The following HIVEP2 variants were observed in gnomAD, a reference collection of about 807,000 sequenced individuals.
HIVEP2 encodes HIVEP zinc finger 2, also known as transcription factor HIVEP2.
In HIVEP2, 14 loss-of-function variants were observed where a neutral mutation model predicts 180.7. The ratio of observed to expected loss-of-function variants is 0.08; its 90% CI spans 0.05 to 0.12. The LOEUF (loss-of-function observed/expected upper bound fraction) is 0.12. Ranked by LOEUF, HIVEP2 falls within the 10% of genes least tolerant of loss-of-function variation. The pLI is 1.00. For synonymous variants in HIVEP2, 1,184 were observed against 1,136.4 expected, an observed-to-expected ratio of 1.04 and a Z score of -0.84; for missense variants, 2,579 against 3,008.5, an observed-to-expected ratio of 0.86 and a Z score of 3.34.
rs1417824084 is a variant in HIVEP2 at position 142,760,562 on chromosome 6, T to C, written c.5726A>G (p.Asp1909Gly). 6.2e-7 allele frequency: 1 copy of C among 1,613,432 alleles called. No homozygotes were observed. Among genetic ancestry groups the C allele is most frequent in the Non-Finnish European group, 8.5e-7 (1 of 1,179,506 alleles). The stretch of plus-strand genomic sequence containing the variant: ...ATCTTCATCATCATCATCATTATCA[T>C]CTCCATCCTCACCATCTGATTCCTC... ...DAEESDGEDGDDNDDDDEDED... is the reference protein window; with the variant it reads ...DAEESDGEDGGDNDDDDEDED... The change falls in exon 9 of 10, where the codon GAT (aspartate) becomes GGT (glycine). Residue 1909 changes from aspartate (D) to glycine (G), a missense_variant. Physicochemically the swap from Asp to Gly is moderately conservative, Grantham distance 94. Around this residue, in one of 11 missense-constraint regions of HIVEP2, gnomAD observed 660 missense variants for 731.7 expected, o/e 0.90. Coordinates refer to ENST00000367603, the MANE Select transcript of HIVEP2 (RefSeq NM_006734.4).
At chr6:142,922,990 T>C (rs913427271) in intron 1 of HIVEP2, among the ~76,000 whole-genome samples, 1 of 152,158 alleles carries the variant, frequency 6.6e-6, no homozygotes, top group East Asian at 1.9e-4. Context: ...TATCAATAAA[T>C]CAGTAATTAG....
intron 1 of HIVEP2, among the ~76,000 whole-genome samples, chr6:142,885,784 C>T (rs1368873953): frequency 1.3e-5 from 2 of 152,158 alleles, no homozygotes. Context: ...CAATAACAAG[C>T]TGTTTAGTAA....
At chr6:142,792,014 T>G (rs888026557) in intron 2 of HIVEP2, among the ~76,000 whole-genome samples, 2 of 152,148 alleles carry the variant, frequency 1.3e-5, no homozygotes, top group Non-Finnish European at 2.9e-5. Flanking sequence ...AGAGATGCAT[T>G]TAATGTGAGG....
intron 1 of HIVEP2, among the ~76,000 whole-genome samples, chr6:142,872,440 A>C (rs1003056802): frequency 6.6e-6 from 1 of 152,226 alleles, no homozygotes; most frequent in African/African-American, 2.4e-5. Flanking sequence ...ATGGACCGTG[A>C]TTTCATAAAA....
intron 6 of HIVEP2, among the ~76,000 whole-genome samples, chr6:142,766,690 T>C (rs1775387008): frequency 6.6e-6 from 1 of 152,196 alleles, no homozygotes; most frequent in South Asian, 2.1e-4. Context: ...AATATAATGA[T>C]GTATTAGAGA....
At position 142,833,763 on chromosome 6, in the gene HIVEP2, C is replaced by A. The variant is rs546190845; in HGVS notation, c.-528+3172G>T. ...AGCTAACAGTACTGGGCTCCACTCACCTAAGCTAGAATAGCAAAACAAAGG... is the reference window on the plus strand; with the variant it reads ...AGCTAACAGTACTGGGCTCCACTCAACTAAGCTAGAATAGCAAAACAAAGG... On this transcript the variant is annotated intron_variant, in intron 2 of 9. Coordinates refer to ENST00000367603, the MANE Select transcript of HIVEP2 (RefSeq NM_006734.4). Among the ~76,000 whole-genome samples the A allele has an allele frequency of 2.0e-5, 3 of 152,162 alleles. 1 individual carries two copies. The highest frequency in any genetic ancestry group is 7.2e-5 in the African/African-American group (3 of 41,436).
At chr6:142,885,291 T>C (rs1182313409) in intron 1 of HIVEP2, among the ~76,000 whole-genome samples, 1 of 152,106 alleles carries the variant, frequency 6.6e-6, no homozygotes, top group Non-Finnish European at 1.5e-5. Flanking sequence ...GAATTGCTGC[T>C]GTTCACAAAA....
At chr6:142,775,924 A>G (rs767620910) in intron 4 of HIVEP2, among the ~76,000 whole-genome samples, 5 of 151,338 alleles carry the variant, frequency 3.3e-5, no homozygotes, top group Non-Finnish European at 7.4e-5. Context: ...TACATGTTTT[A>G]TAAAATACAT....
At chr6:142,827,626 C>T (rs940959524) in intron 2 of HIVEP2, among the ~76,000 whole-genome samples, 1 of 152,166 alleles carries the variant, frequency 6.6e-6, no homozygotes, top group Non-Finnish European at 1.5e-5. Flanking sequence ...TGACCCTAAG[C>T]CAAGGGTGTG....
chr6:142,845,559 T>C (rs1775489557), intron 1 of HIVEP2, among the ~76,000 whole-genome samples: 1 of 152,228 alleles, frequency 6.6e-6, no homozygotes, highest in Non-Finnish European at 1.5e-5. Context: ...ACATGGATAT[T>C]ACCAGAAGTT....
Position 142,752,251 on chromosome 6 carries a change from A to G in HIVEP2, c.*856T>C, listed in dbSNP as rs1261915655. Reference sequence around the variant, plus strand: ...TTTTTAGATGAGTATATAGATCAACATGTTCACATAAGACCAAATACTTTT... The same window carrying G: ...TTTTTAGATGAGTATATAGATCAACGTGTTCACATAAGACCAAATACTTTT... On this transcript the variant is annotated 3_prime_UTR_variant, in exon 10 of 10. Transcript: ENST00000367603. The G allele has an allele frequency of 1.3e-5, 2 of 152,692 alleles. No individual in the cohort carries two copies. Among genetic ancestry groups the G allele is most frequent in the Non-Finnish European group, 2.9e-5 (2 of 68,048 alleles). 9.5% of individuals were successfully genotyped at this position (152,692 alleles called of 1,614,324 possible).
intron 2 of HIVEP2, among the ~76,000 whole-genome samples, chr6:142,804,995 C>T (rs1018259351): frequency 6.6e-6 from 1 of 152,116 alleles, no homozygotes; most frequent in African/African-American, 2.4e-5. Context: ...AATAAACAAA[C>T]AAACAACAAA....
chr6:142,928,979 T>A (rs1777880657), intron 1 of HIVEP2, among the ~76,000 whole-genome samples: 1 of 152,228 alleles, frequency 6.6e-6, no homozygotes, highest in African/African-American at 2.4e-5. Flanking sequence ...GTAAATGTGA[T>A]TCCACTGTAT....
intron 2 of HIVEP2, among the ~76,000 whole-genome samples, chr6:142,824,908 T>C (rs1362154716): frequency 6.6e-6 from 1 of 152,174 alleles, no homozygotes; most frequent in Non-Finnish European, 1.5e-5. Context: ...GTAGAAGGCA[T>C]TTCCCTACCC....
Position 142,771,447 on chromosome 6 carries a change from C to T in HIVEP2, c.3292G>A (p.Gly1098Ser). Residue 1098 changes from glycine to serine, a missense_variant, in exon 5 of 10, where the codon GGC becomes AGC. Gly to Ser is a moderately conservative substitution (Grantham distance 56). This residue lies in a region of HIVEP2 where 523 missense variants were observed against 577.0 expected (regional missense o/e 0.91). Coordinates refer to ENST00000367603, the MANE Select transcript of HIVEP2 (RefSeq NM_006734.4). This position sits in a 1 kb window ranked among gnomAD's most constrained non-coding sequence, Gnocchi z 5.4. ...GSPEISQGEV[G>S]MDQSVKQEQL... The stretch of plus-strand genomic sequence containing the variant: ...TCTTGCTTCACGCTCTGATCCATGC[C>T]AACCTCGCCCTGGGAGATTTCTGGG... 1 of 1,613,598 alleles carries T rather than the reference C, an allele frequency of 6.2e-7. No individual in the cohort carries two copies. Among genetic ancestry groups the T allele is most frequent in the African/African-American group, 1.3e-5 (1 of 75,038 alleles).
At position 142,772,697 on chromosome 6, in the gene HIVEP2, A is replaced by G. The variant is rs1775582058; in HGVS notation, c.2042T>C (p.Leu681Ser). Reference sequence around the variant, plus strand: ...TCCAAACATGCTTGGTACTCCCTGCAATGGCACCACGGGATCCATGAAATA... The same window carrying G: ...TCCAAACATGCTTGGTACTCCCTGCGATGGCACCACGGGATCCATGAAATA... The part of the protein sequence containing the change: ...GEYFMDPVVP[L>S]QGVPSMFGTT... Residue 681 changes from leucine to serine, a missense_variant, in exon 5 of 10, where the codon TTG (leucine) becomes TCG (serine). By Grantham distance (145) the Leu-to-Ser change is moderately radical. Transcript: ENST00000367603. This position sits in a 1 kb window ranked among gnomAD's most constrained non-coding sequence, Gnocchi z 4.9. The G allele has an allele frequency of 6.2e-7, 1 of 1,614,092 alleles. No homozygotes were observed. Among genetic ancestry groups the G allele is most frequent in the African/African-American group, 1.3e-5 (1 of 74,930 alleles).
rs1457173312 is a variant in HIVEP2 at position 142,852,323 on chromosome 6, T to A, written c.-640-15276A>T. The stretch of plus-strand genomic sequence containing the variant: ...GCTTTTTTTAATAAAATGCTCACAA[T>A]AAACTCTTTTTTTCTCTCATTTATT... On this transcript the variant is annotated intron_variant, in intron 1 of 9. Coordinates refer to ENST00000367603, the MANE Select transcript of HIVEP2 (RefSeq NM_006734.4). Among the ~76,000 whole-genome samples the A allele has an allele frequency of 1.2e-4, 19 of 152,160 alleles. 1 individual carries two copies. The highest frequency in any genetic ancestry group is 1.2e-3 in the Admixed American group (19 of 15,274).
chr6:142,862,772 T>C (rs1409655178), intron 1 of HIVEP2, among the ~76,000 whole-genome samples: 1 of 135,952 alleles, frequency 7.4e-6, no homozygotes, highest in East Asian at 2.1e-4. Context: ...TGTAATATAT[T>C]ATATGTAATT....
chr6:142,815,289 C>T (rs150572598), intron 2 of HIVEP2, among the ~76,000 whole-genome samples: 189 of 152,178 alleles, frequency 1.2e-3, no homozygotes, highest in Non-Finnish European at 2.0e-3. Flanking sequence ...TTTAATAAGG[C>T]TGATTGGGGG....
Sources: allele counts gnomAD v4.1 joint callset (sites outside exome capture counted in the v4.1 genomes callset), GRCh38; gene constraint gnomAD v4.1.1; regional missense constraint gnomAD v4.1.1; non-coding constraint Gnocchi (gnomAD v3.1); transcripts MANE v1.5; gene names NCBI Gene and HGNC (gene_info 2026-07-23, HGNC 2026-07-21).